MAOA: variants seen among roughly 807,000 people sequenced by gnomAD.
MAOA encodes the protein monoamine oxidase A.
Under a neutral mutation model 42.0 loss-of-function variants are expected in MAOA, and 6 were observed. The observed-to-expected ratio is 0.14, with a 90% confidence interval of 0.08 to 0.28. MAOA has a LOEUF of 0.28. Ranked by LOEUF, MAOA falls within the 10% of genes least tolerant of loss-of-function variation. MAOA has a pLI of 1.00. For synonymous variants in MAOA, 140 were observed against 154.0 expected (o/e 0.91, Z 0.67); for missense variants, 262 against 422.3 (o/e 0.62, Z 3.33).
At chrX:43,720,469 G>A (rs1177786684) in intron 5 of MAOA, among the ~76,000 whole-genome samples, 7 of 109,830 alleles carry the variant, frequency 6.4e-5, no homozygotes, top group Non-Finnish European at 1.1e-4. Flanking sequence ...GGTGGTATTC[G>A]GGAATGACAT....
chrX:43,675,504 G>C (rs1174997592), intron 1 of MAOA, among the ~76,000 whole-genome samples: 1 of 112,557 alleles, frequency 8.9e-6, no homozygotes, highest in South Asian at 3.6e-4. Context: ...TCCTTTGGAG[G>C]AGGAGAGGCA....
intron 1 of MAOA, among the ~76,000 whole-genome samples, chrX:43,659,129 A>G (rs2033212723): frequency 1.8e-5 from 2 of 111,763 alleles, no homozygotes; most frequent in African/African-American, 6.5e-5. Flanking sequence ...CTCAAAATTG[A>G]TCCATATTAG....
intron 1 of MAOA, among the ~76,000 whole-genome samples, chrX:43,679,444 G>A (rs1484332103): frequency 1.8e-5 from 2 of 109,861 alleles, no homozygotes; most frequent in Non-Finnish European, 3.8e-5. Flanking sequence ...CTTTGTTGTG[G>A]TCATATCAGG....
intron 12 of MAOA, among the ~76,000 whole-genome samples, chrX:43,742,432 C>T (rs1232725695): frequency 8.9e-6 from 1 of 112,531 alleles, no homozygotes; most frequent in Non-Finnish European, 1.9e-5. Context: ...TTCTGTCTTG[C>T]CAACAGAGCA....
chrX:43,709,377 C>A (rs751158761), intron 3 of MAOA, among the ~76,000 whole-genome samples: 2 of 110,811 alleles, frequency 1.8e-5, no homozygotes, highest in East Asian at 2.8e-4. Flanking sequence ...ATTTATAATT[C>A]TTTTCTTTAT....
At position 43,736,286 on chromosome X, in the gene MAOA, A is replaced by G. The variant is rs778160343; in HGVS notation, c.1106+6A>G. The G allele has an allele frequency of 8.6e-7, 1 of 1,159,866 alleles. No homozygotes were observed. Among genetic ancestry groups the G allele is most frequent in the South Asian group, 1.8e-5 (1 of 54,674 alleles). ...AAGCTACATAAGGAAATAAGGTAAGAATTTATAACTGAAAAATAGATGAAA... is the reference window on the plus strand; with the variant it reads ...AAGCTACATAAGGAAATAAGGTAAGGATTTATAACTGAAAAATAGATGAAA... On this transcript the variant is annotated splice_donor_region_variant and intron_variant, in intron 10 of 14. Transcript: ENST00000338702.
At chrX:43,707,795 A>T (rs2033669155) in intron 3 of MAOA, among the ~76,000 whole-genome samples, 1 of 112,030 alleles carries the variant, frequency 8.9e-6, no homozygotes, top group Non-Finnish European at 1.9e-5. Context: ...TCTGGAAGAT[A>T]ACTCTTTTAT....
intron 3 of MAOA, among the ~76,000 whole-genome samples, chrX:43,706,880 A>G (rs1451682742): frequency 1.8e-5 from 2 of 111,238 alleles, no homozygotes; most frequent in Non-Finnish European, 3.8e-5. Flanking sequence ...TAATGGTTCT[A>G]TTTTTCCAGA....
intron 10 of MAOA, among the ~76,000 whole-genome samples, chrX:43,738,296 C>T (rs1249143586): frequency 8.9e-6 from 1 of 112,009 alleles, no homozygotes; most frequent in African/African-American, 3.3e-5. Flanking sequence ...CCTTACATAT[C>T]TTTTCCAAAA....
At chrX:43,666,827 C>A (rs185796835) in intron 1 of MAOA, among the ~76,000 whole-genome samples, 1 of 110,535 alleles carries the variant, frequency 9.0e-6, no homozygotes, top group East Asian at 2.9e-4. Flanking sequence ...GCTAGCCTTA[C>A]TGGTCTTTGA....
intron 2 of MAOA, among the ~76,000 whole-genome samples, chrX:43,684,372 G>A (rs1286063841): frequency 9.0e-6 from 1 of 110,772 alleles, no homozygotes; most frequent in Non-Finnish European, 1.9e-5. Context: ...AAGGAAATAG[G>A]GGCAAAGATG....
At chrX:43,740,076 T>G (rs1370606319) in intron 10 of MAOA, among the ~76,000 whole-genome samples, 1 of 112,305 alleles carries the variant, frequency 8.9e-6, no homozygotes, top group Non-Finnish European at 1.9e-5. Flanking sequence ...CATTAGCATA[T>G]TTTGCCCATC....
At chrX:43,729,717 G>C (rs969405634) in intron 6 of MAOA, among the ~76,000 whole-genome samples, 4 of 111,397 alleles carry the variant, frequency 3.6e-5, no homozygotes, top group Non-Finnish European at 7.5e-5. Flanking sequence ...GGCTCAAGCA[G>C]TCCTTCCGCC....
At chrX:43,662,099 C>G (rs1229055035) in intron 1 of MAOA, among the ~76,000 whole-genome samples, 1 of 111,163 alleles carries the variant, frequency 9.0e-6, no homozygotes, top group Non-Finnish European at 1.9e-5. Flanking sequence ...CATTTTAACC[C>G]AGAACTTGGC....
At chrX:43,743,665 G>C in intron 12 of MAOA, 129 bp from the exon 13 acceptor site, 1 of 824,657 alleles carries the variant, frequency 1.2e-6, no homozygotes, top group South Asian at 2.2e-5. Context: ...CTTGGGCTAA[G>C]TCATACGGGT....
intron 3 of MAOA, among the ~76,000 whole-genome samples, chrX:43,703,173 A>G (rs1254496006): frequency 1.8e-5 from 2 of 111,581 alleles, no homozygotes; most frequent in Non-Finnish European, 3.8e-5. Flanking sequence ...CTCTGCCATC[A>G]TGGTTATAAA....
intron 1 of MAOA, among the ~76,000 whole-genome samples, chrX:43,657,415 T>C (rs1483506982): frequency 9.2e-6 from 1 of 108,453 alleles, no homozygotes; most frequent in Non-Finnish European, 1.9e-5. Context: ...CTCCTTTCAC[T>C]AAGAGCTCCC....
intron 9 of MAOA, among the ~76,000 whole-genome samples, chrX:43,734,217 C>T (rs1053571419): frequency 1.5e-4 from 14 of 94,596 alleles, no homozygotes; most frequent in East Asian, 3.5e-4. Context: ...AAATGTTAAA[C>T]GGTTGTGTTC....
intron 1 of MAOA, among the ~76,000 whole-genome samples, chrX:43,682,765 G>T (rs2033454471): frequency 8.9e-6 from 1 of 111,943 alleles, no homozygotes; most frequent in African/African-American, 3.2e-5. Context: ...CACCACCTCA[G>T]CCAGGTGATC....
Sources: gnomAD v4.1 joint callset for allele counts (sites outside exome capture counted in the v4.1 genomes callset) on GRCh38, gnomAD v4.1.1 for gene constraint, MANE v1.5 for transcripts, NCBI Gene and HGNC (gene_info 2026-07-23, HGNC 2026-07-21) for gene names.